Variants in CEP112 observed in about 807,000 individuals in gnomAD.
CEP112 encodes the protein centrosomal protein of 112 kDa.
Under a neutral mutation model 153.0 loss-of-function variants are expected in CEP112, and 127 were observed. The ratio of observed to expected loss-of-function variants is 0.83; its 90% CI spans 0.72 to 0.96. The LOEUF (loss-of-function observed/expected upper bound fraction) is 0.96, where lower values mean the gene tolerates loss of function less well. Ranked by LOEUF, CEP112 falls within the 40% of genes least tolerant of loss-of-function variation. The pLI, the probability that CEP112 is intolerant of heterozygous loss-of-function variation, is 0.00. For missense variants in CEP112, 1,089 were observed against 1,101.2 expected, an observed-to-expected ratio of 0.99 and a Z score of 0.16; for synonymous variants, 358 against 374.4, an observed-to-expected ratio of 0.96 and a Z score of 0.51.
At chr17:65,780,208 A>G (rs2053921550) in intron 21 of CEP112, among the ~76,000 whole-genome samples, 1 of 152,146 alleles carries the variant, frequency 6.6e-6, no homozygotes, top group Non-Finnish European at 1.5e-5. Context: ...ACATATATTT[A>G]CATGGCTAAC....
At chr17:66,160,338 A>T (rs1463529535) in intron 4 of CEP112, among the ~76,000 whole-genome samples, 1 of 152,216 alleles carries the variant, frequency 6.6e-6, no homozygotes, top group Non-Finnish European at 1.5e-5. Flanking sequence ...ATTAGAAAAA[A>T]CTACTTTAAA....
At chr17:65,768,802 T>C (rs2053161948) in intron 21 of CEP112, among the ~76,000 whole-genome samples, 1 of 152,104 alleles carries the variant, frequency 6.6e-6, no homozygotes, top group Admixed American at 6.6e-5. Context: ...TAAAGCCTAT[T>C]TGAGTAAAAC....
At chr17:66,124,094 G>A (rs1216175779) in intron 6 of CEP112, among the ~76,000 whole-genome samples, 1 of 152,126 alleles carries the variant, frequency 6.6e-6, no homozygotes, top group East Asian at 1.9e-4. Flanking sequence ...TCAAGGGGTG[G>A]TCTGGGACTA....
chr17:65,750,661 C>T lies in CEP112; in HGVS notation c.2457+1G>A, dbSNP rs764939954. ...GTTTTGTGTCTTTTAATGTTGCTTACCTGTGAAGATTTGGCAAGCTTCTGA... is the reference window on the plus strand; with the variant it reads ...GTTTTGTGTCTTTTAATGTTGCTTATCTGTGAAGATTTGGCAAGCTTCTGA... On this transcript the variant is annotated splice_donor_variant, in intron 22 of 26. Transcript: ENST00000535342. LOFTEE classifies it high-confidence loss of function. 6.2e-7 allele frequency: 1 copy of T among 1,613,556 alleles called. No individual in the cohort carries two copies. The highest frequency in any genetic ancestry group is 8.5e-7 in the Non-Finnish European group (1 of 1,179,570).
At chr17:65,824,809 C>T (rs2056760619) in intron 21 of CEP112, among the ~76,000 whole-genome samples, 1 of 152,134 alleles carries the variant, frequency 6.6e-6, no homozygotes, top group African/African-American at 2.4e-5. Context: ...TCAATTCACA[C>T]CCATTACAAT....
At chr17:66,178,188 A>G (rs1188016785) in intron 2 of CEP112, among the ~76,000 whole-genome samples, 1 of 152,214 alleles carries the variant, frequency 6.6e-6, no homozygotes, top group Non-Finnish European at 1.5e-5. Context: ...CCAAAAGTGT[A>G]GGAGAGTTAC....
In CEP112 at chr17:66,063,035, T is replaced by G; in HGVS notation, c.1002A>C (p.Glu334Asp). The change falls in exon 11 of 27, where the codon GAA becomes GAC. Residue 334 changes from glutamate (E) to aspartate (D), a missense_variant. By Grantham distance (45) the Glu-to-Asp change is conservative. Transcript: ENST00000535342. ...RDCQVIRETK[E>D]DQIAELKKIC... Reference sequence around the variant, plus strand: ...TCTTTTTCAGCTCTGCAATCTGGTCTTCTTTAGTCTCTCTGATAACTTGAC... The same window carrying G: ...TCTTTTTCAGCTCTGCAATCTGGTCGTCTTTAGTCTCTCTGATAACTTGAC... 10 of 1,598,162 alleles carry G rather than the reference T, an allele frequency of 6.3e-6. No individual in the cohort carries two copies. Among genetic ancestry groups the G allele is most frequent in the Non-Finnish European group, 8.5e-6 (10 of 1,173,434 alleles).
At chr17:65,961,868 A>G (rs2062217522) in intron 17 of CEP112, among the ~76,000 whole-genome samples, 1 of 152,256 alleles carries the variant, frequency 6.6e-6, no homozygotes. Flanking sequence ...GTCTCCATCA[A>G]GTGATGAATG....
intron 12 of CEP112, among the ~76,000 whole-genome samples, chr17:66,043,678 T>C (rs1017388019): frequency 6.6e-6 from 1 of 152,192 alleles, no homozygotes; most frequent in Non-Finnish European, 1.5e-5. Context: ...AAGGAAGCTA[T>C]AATTTTTATA....
At chr17:66,134,469 C>A (rs1347658819) in intron 4 of CEP112, among the ~76,000 whole-genome samples, 1 of 152,190 alleles carries the variant, frequency 6.6e-6, no homozygotes, top group African/African-American at 2.4e-5. Context: ...GAGTCATAAT[C>A]TGTCCTTAAT....
intron 22 of CEP112, among the ~76,000 whole-genome samples, chr17:65,749,135 C>T (rs1196630671): frequency 6.6e-6 from 1 of 152,158 alleles, no homozygotes; most frequent in Non-Finnish European, 1.5e-5. Context: ...ACATAATCAT[C>T]ATTTCTTACA....
rs1265311723 is a variant in CEP112 at position 66,155,951 on chromosome 17, C to A, written c.470+19093G>T. Among the ~76,000 whole-genome samples the A allele has an allele frequency of 2.7e-4, 41 of 151,986 alleles. 1 individual carries two copies. The highest frequency in any genetic ancestry group is 2.7e-3 in the Admixed American group (41 of 15,250). On this transcript the variant is annotated intron_variant, in intron 4 of 26. Coordinates refer to ENST00000535342, the MANE Select transcript of CEP112 (RefSeq NM_001199165.4). ...ACCTGGGGGAAGGGGCGGCTGTGGG[C>A]GCAGCTCCAGAAGACTTAAACCTTC... is the stretch of plus-strand genomic sequence containing the variant.
At chr17:65,923,213 C>T (rs1302864990) in intron 19 of CEP112, among the ~76,000 whole-genome samples, 1 of 152,166 alleles carries the variant, frequency 6.6e-6, no homozygotes, top group Non-Finnish European at 1.5e-5. Flanking sequence ...GTTAGAAAGT[C>T]TGAAGTTATC....
In CEP112 at chr17:66,191,555, GTT is replaced by G; in HGVS notation, c.-9+440_-9+441del. 6.5e-6 allele frequency: 1 copy of G among 152,754 alleles called. No homozygotes were observed. The highest frequency in any genetic ancestry group is 2.4e-5 in the African/African-American group (1 of 41,562). The allele number at this position is 152,754 out of a possible 1,614,324, so 9.5% of individuals were successfully genotyped here. A position where few individuals can be genotyped will look rare whatever the true frequency, so the allele number is the denominator to read the frequency against. ...TCTGTCCCCGCAAATCCAGCTGATT[GTT>G]CTGAGACTCTTTTCTGGGACGGAAT... On this transcript the variant is annotated intron_variant, in intron 1 of 26. Transcript: ENST00000535342. The surrounding 1 kb of genome is among the most constrained non-coding windows in gnomAD (Gnocchi z 4.2).
intron 1 of CEP112, among the ~76,000 whole-genome samples, chr17:66,188,180 T>C (rs1048479791): frequency 3.3e-5 from 5 of 152,052 alleles, no homozygotes; most frequent in African/African-American, 9.7e-5. Flanking sequence ...TATAGCTTCC[T>C]GTTTAAAAAT....
intron 24 of CEP112, among the ~76,000 whole-genome samples, chr17:65,675,373 T>G (rs910902191): frequency 6.6e-6 from 1 of 152,168 alleles, no homozygotes; most frequent in Non-Finnish European, 1.5e-5. Flanking sequence ...GTCCAGCTAA[T>G]TTTTGTATTT....
intron 22 of CEP112, 39 bp from the exon 23 acceptor site, chr17:65,743,256 T>C (rs1879614517): frequency 3.9e-6 from 6 of 1,533,348 alleles, no homozygotes; most frequent in Non-Finnish European, 4.4e-6. Flanking sequence ...CAAATTCTTC[T>C]GGGAGAGGCA....
At chr17:66,109,589 G>A (rs1333543916) in intron 6 of CEP112, among the ~76,000 whole-genome samples, 1 of 151,606 alleles carries the variant, frequency 6.6e-6, no homozygotes, top group Non-Finnish European at 1.5e-5. Context: ...TGATACCCTA[G>A]ACCTTTATAG....
chr17:66,070,616 A>C (rs1458043092), intron 8 of CEP112, among the ~76,000 whole-genome samples: 1 of 152,080 alleles, frequency 6.6e-6, no homozygotes, highest in Non-Finnish European at 1.5e-5. Flanking sequence ...CCAAACCAAC[A>C]CCACATGCAA....
Sources: allele counts gnomAD v4.1 joint callset (sites outside exome capture counted in the v4.1 genomes callset), GRCh38; gene constraint gnomAD v4.1.1; non-coding constraint Gnocchi (gnomAD v3.1); transcripts MANE v1.5; gene names NCBI Gene and HGNC (gene_info 2026-07-23, HGNC 2026-07-21).